Variants in DGKI observed in about 807,000 individuals in gnomAD.
DGKI encodes the protein DAG kinase iota.
DGKI carries 55 observed loss-of-function variants against 147.5 expected under a neutral mutation model. The observed-to-expected ratio is 0.37, with a 90% CI of 0.30 to 0.47. The LOEUF (loss-of-function observed/expected upper bound fraction) is 0.47. DGKI is among the 20% of genes least tolerant of loss of function. DGKI has a pLI of 1.00. For synonymous variants in DGKI, 469 were observed against 477.1 expected, an observed-to-expected ratio of 0.98 and a Z score of 0.22; for missense variants, 1,007 against 1,323.8, an observed-to-expected ratio of 0.76 and a Z score of 3.71.
chr7:137,734,177 A>C (rs1307925337), intron 1 of DGKI, among the ~76,000 whole-genome samples: 1 of 152,072 alleles, frequency 6.6e-6, no homozygotes, highest in Non-Finnish European at 1.5e-5. Context: ...TCTAATAAAC[A>C]GAATACAACA....
chr7:137,514,214 C>T (rs1411024692), intron 21 of DGKI, among the ~76,000 whole-genome samples: 1 of 152,058 alleles, frequency 6.6e-6, no homozygotes, highest in African/African-American at 2.4e-5. Context: ...TAAATCACCT[C>T]TTCCGCGGTT....
At chr7:137,485,891 G>T (rs772242768) in intron 22 of DGKI, among the ~76,000 whole-genome samples, 3 of 152,218 alleles carry the variant, frequency 2.0e-5, no homozygotes, top group South Asian at 4.1e-4. Context: ...GCAAATAGGG[G>T]TTTTCATAGA....
chr7:137,654,568 A>T (rs1490938945), intron 5 of DGKI, among the ~76,000 whole-genome samples, 164 bp downstream of exon 5: 1 of 152,250 alleles, frequency 6.6e-6, no homozygotes, highest in Non-Finnish European at 1.5e-5. Flanking sequence ...TGTTGAAAAG[A>T]CTTGAAGATT....
intron 23 of DGKI, among the ~76,000 whole-genome samples, chr7:137,471,250 T>C (rs983457088): frequency 1.3e-5 from 2 of 151,986 alleles, no homozygotes; most frequent in African/African-American, 4.8e-5. Context: ...TGGCCCTTAA[T>C]AGGGATTTGA....
At chr7:137,783,844 T>A (rs975192741) in intron 1 of DGKI, among the ~76,000 whole-genome samples, 2 of 152,168 alleles carry the variant, frequency 1.3e-5, no homozygotes, top group Non-Finnish European at 2.9e-5. Context: ...AGCAAAACAG[T>A]TACCAGCCAA....
At chr7:137,462,705 G>C (rs1462985204) in intron 27 of DGKI, among the ~76,000 whole-genome samples, 1 of 152,132 alleles carries the variant, frequency 6.6e-6, no homozygotes, top group South Asian at 2.1e-4. Context: ...ATTTGATTAA[G>C]ACCCCAGGTA....
At chr7:137,472,912 A>G (rs564956276) in intron 23 of DGKI, among the ~76,000 whole-genome samples, 1 of 152,136 alleles carries the variant, frequency 6.6e-6, no homozygotes, top group African/African-American at 2.4e-5. Context: ...TAATTTCTGT[A>G]TGTAAAAATC....
At chr7:137,465,138 T>G (rs926700618) in intron 26 of DGKI, among the ~76,000 whole-genome samples, 2 of 152,210 alleles carry the variant, frequency 1.3e-5, no homozygotes, top group African/African-American at 4.8e-5. Context: ...TATCTCATTT[T>G]TTCTACTTAT....
chr7:137,403,452 A>G (rs920108720), intron 30 of DGKI, among the ~76,000 whole-genome samples: 1 of 152,174 alleles, frequency 6.6e-6, no homozygotes, highest in African/African-American at 2.4e-5. Context: ...GAGAATAACT[A>G]ATCTCAGGAC....
chr7:137,495,310 C>T (rs1277613517), intron 21 of DGKI, among the ~76,000 whole-genome samples: 1 of 150,940 alleles, frequency 6.6e-6, no homozygotes, highest in Non-Finnish European at 1.5e-5. Flanking sequence ...AAAAGCCTAC[C>T]AACCAGAAAA....
chr7:137,404,168 A>C (rs1487997746), intron 30 of DGKI, among the ~76,000 whole-genome samples: 1 of 152,200 alleles, frequency 6.6e-6, no homozygotes, highest in Non-Finnish European at 1.5e-5. Context: ...ATCATCTAAA[A>C]GAGAGGAATG....
intron 28 of DGKI, among the ~76,000 whole-genome samples, chr7:137,424,717 C>A (rs566412193): frequency 6.6e-6 from 1 of 152,186 alleles, no homozygotes; most frequent in Non-Finnish European, 1.5e-5. Context: ...GCTTAAAAAA[C>A]GGCACACCAG....
intron 27 of DGKI, chr7:137,452,827 G>C (rs370541502): frequency 1.3e-5 from 2 of 152,244 alleles, no homozygotes; most frequent in South Asian, 2.1e-4. Context: ...TGTCACAGTT[G>C]GGTGGAATCC....
At chr7:137,496,153 T>C (rs754259800) in intron 21 of DGKI, among the ~76,000 whole-genome samples, 4 of 152,150 alleles carry the variant, frequency 2.6e-5, no homozygotes, top group African/African-American at 4.8e-5. Flanking sequence ...GTAGCATTCC[T>C]ATACACCAAC....
chr7:137,637,069 C>T (rs979051074), intron 6 of DGKI, among the ~76,000 whole-genome samples: 4 of 152,224 alleles, frequency 2.6e-5, no homozygotes, highest in Non-Finnish European at 4.4e-5. Flanking sequence ...GGACAGCCCT[C>T]GCCCAGTTGT....
chr7:137,397,482 T>C (rs1811595721), intron 30 of DGKI, 69 bp from the exon 31 acceptor site: 2 of 1,500,628 alleles, frequency 1.3e-6, no homozygotes, highest in Non-Finnish European at 1.8e-6. Context: ...AGAAAATCTA[T>C]AGTCACAGAA....
At chr7:137,609,725 G>T in intron 8 of DGKI, 116 bp from the exon 9 acceptor site, 1 of 682,726 alleles carries the variant, frequency 1.5e-6, no homozygotes, top group Non-Finnish European at 2.5e-6. Context: ...TGCTTCTCAT[G>T]CTTTCACACT....
chr7:137,437,879 A>C, intron 28 of DGKI, among the ~76,000 whole-genome samples: 1 of 152,304 alleles, frequency 6.6e-6, no homozygotes, highest in South Asian at 2.1e-4. Flanking sequence ...TGAAATAGCT[A>C]GTTATGTATA....
intron 1 of DGKI, among the ~76,000 whole-genome samples, chr7:137,814,756 C>T (rs77232710): frequency 0.034 from 5,135 of 152,184 alleles, 101 homozygotes; most frequent in Non-Finnish European, 0.042. Flanking sequence ...TAAGCACCCC[C>T]GCTAGAGAAC....
Sources: allele counts gnomAD v4.1 joint callset (sites outside exome capture counted in the v4.1 genomes callset), GRCh38; gene constraint gnomAD v4.1.1; transcripts MANE v1.5; gene names NCBI Gene and HGNC (gene_info 2026-07-23, HGNC 2026-07-21).